Variants in AKAP7 observed in about 807,000 individuals in gnomAD.
AKAP7 encodes the protein A kinase (PRKA) anchor protein 7.
AKAP7 carries 39 observed loss-of-function variants against 39.5 expected under a neutral mutation model. The ratio of observed to expected loss-of-function variants is 0.99; its 90% CI spans 0.76 to 1.29. The LOEUF (loss-of-function observed/expected upper bound fraction) is 1.29, where lower values mean the gene tolerates loss of function less well. AKAP7 is among the 50% of genes most tolerant of loss of function. AKAP7 has a pLI of 0.00. For synonymous variants in AKAP7, 140 were observed against 139.1 expected (o/e 1.01, Z -0.05); for missense variants, 414 against 407.7 (o/e 1.02, Z -0.13).
chr6:131,161,520 C>T (rs1802945116), intron 3 of AKAP7, among the ~76,000 whole-genome samples: 1 of 151,196 alleles, frequency 6.6e-6, no homozygotes, highest in African/African-American at 2.4e-5. Context: ...TGGCTCACAC[C>T]TGTGGTCCTA....
At chr6:131,131,139 T>C (rs866112236), upstream of AKAP7, among the ~76,000 whole-genome samples, 3 of 152,180 alleles carry the variant, frequency 2.0e-5, no homozygotes, top group Middle Eastern at 6.8e-3. Context: ...TTTAACAGGG[T>C]CTTATGAACC....
chr6:131,262,588 GACC>G (rs1351176594), intron 7 of AKAP7, among the ~76,000 whole-genome samples: 1 of 151,752 alleles, frequency 6.6e-6, no homozygotes, highest in African/African-American at 2.4e-5. Context: ...GCAAAGATAT[GACC>G]ACTTCAAAAG....
At chr6:131,219,861 T>C in intron 7 of AKAP7, 53 bp downstream of exon 7, 1 of 1,258,406 alleles carries the variant, frequency 7.9e-7, no homozygotes, top group Non-Finnish European at 1.1e-6. Flanking sequence ...TTTTTTGGCA[T>C]CACTTTTATC....
chr6:131,164,956 G>T, intron 3 of AKAP7, 125 bp from the exon 4 acceptor site: 1 of 706,268 alleles, frequency 1.4e-6, no homozygotes. Flanking sequence ...TTTGGTTGAA[G>T]AATCTTAACA....
At chr6:131,236,715 T>C (rs1157738510) in intron 7 of AKAP7, among the ~76,000 whole-genome samples, 2 of 152,214 alleles carry the variant, frequency 1.3e-5, no homozygotes, top group East Asian at 3.8e-4. Context: ...TTGTCTGTTA[T>C]TGGTGTATAA....
chr6:131,221,905 A>C (rs1008115942), intron 7 of AKAP7, among the ~76,000 whole-genome samples: 1 of 152,238 alleles, frequency 6.6e-6, no homozygotes, highest in African/African-American at 2.4e-5. Flanking sequence ...TGTTATTTTC[A>C]TGCTTGCTAA....
At chr6:131,201,630 C>T (rs927029331) in intron 6 of AKAP7, among the ~76,000 whole-genome samples, 1 of 151,996 alleles carries the variant, frequency 6.6e-6, no homozygotes. Context: ...GCTTTTGTTG[C>T]CATTGCTTTT....
At position 131,166,163 on chromosome 6, in the gene AKAP7, T is replaced by C. The variant is rs1007005308; in HGVS notation, c.428+946T>C. 2.0e-5 allele frequency among the ~76,000 whole-genome samples: 3 copies of C among 152,206 alleles called. No homozygotes were observed. The East Asian group carries it at 5.8e-4, about 29-fold the overall frequency. On this transcript the variant is annotated intron_variant, in intron 4 of 7. Transcript: ENST00000431975. ...GTCTTTAGAGGTCAATCTTATGATCTGTCCCAAGCTGATGTACCCAAAGCA... is the reference window on the plus strand; with the variant it reads ...GTCTTTAGAGGTCAATCTTATGATCCGTCCCAAGCTGATGTACCCAAAGCA...
chr6:131,243,630 G>C (rs555062634), intron 7 of AKAP7, among the ~76,000 whole-genome samples: 1 of 152,240 alleles, frequency 6.6e-6, no homozygotes, highest in Admixed American at 6.5e-5. Flanking sequence ...TTTATTTGAA[G>C]CTTGACATAC....
intron 7 of AKAP7, among the ~76,000 whole-genome samples, chr6:131,256,247 C>G (rs1812840426): frequency 6.6e-6 from 1 of 152,162 alleles, no homozygotes; most frequent in Non-Finnish European, 1.5e-5. Flanking sequence ...CAAGGTAAAA[C>G]AAACATTTAA....
At chr6:131,237,426 G>A (rs2128310286) in intron 7 of AKAP7, among the ~76,000 whole-genome samples, 1 of 152,300 alleles carries the variant, frequency 6.6e-6, no homozygotes, top group East Asian at 1.9e-4. Context: ...CTCATAAAAT[G>A]AGTTAGGGAG....
chr6:131,198,356 A>G (rs1179306885), intron 5 of AKAP7, among the ~76,000 whole-genome samples: 1 of 152,164 alleles, frequency 6.6e-6, no homozygotes, highest in African/African-American at 2.4e-5. Flanking sequence ...TAGTTTGCAC[A>G]CCTAGTAGTT....
rs532895451 is a variant in AKAP7, at chr6:131,157,113, T to C, written c.152-2946T>C. ...ATGTTCTTTAGCAGATACAGATTTA[T>C]CTTCCTAATTATGTTTAGTTCTGAG... is the stretch of plus-strand genomic sequence containing the variant. On this transcript the variant is annotated intron_variant, in intron 2 of 7. Transcript: ENST00000431975. 1.6e-3 allele frequency among the ~76,000 whole-genome samples: 240 copies of C among 152,330 alleles called. 1 individual carries two copies. Among genetic ancestry groups the C allele is most frequent in the African/African-American group, 5.5e-3 (229 of 41,578 alleles).
intron 7 of AKAP7, among the ~76,000 whole-genome samples, chr6:131,262,472 T>TTTTG (rs1411548264): frequency 2.0e-5 from 3 of 152,224 alleles, no homozygotes; most frequent in African/African-American, 7.2e-5. Flanking sequence ...AAGGTGAGCA[T>TTTTG]TTTGTTTATG....
chr6:131,246,094 A>AATATATATATATATATAT (rs57449798), intron 7 of AKAP7, among the ~76,000 whole-genome samples: 44 of 143,986 alleles, frequency 3.1e-4, no homozygotes, highest in African/African-American at 1.1e-3. Context: ...CAGAAGTCCA[A>AATATATATATATATATAT]ATATATATAT....
rs1471476165 is a variant in AKAP7 at position 131,281,164 on chromosome 6, C to CT, written c.851-366_851-365insT. Among the ~76,000 whole-genome samples the CT allele has an allele frequency of 1.3e-5, 2 of 152,166 alleles. No homozygotes were observed. The highest frequency in any genetic ancestry group is 4.8e-5 in the African/African-American group (2 of 41,432). On this transcript the variant is annotated intron_variant, in intron 7 of 7. Coordinates refer to ENST00000431975, the MANE Select transcript of AKAP7 (RefSeq NM_016377.4). This position sits in a 1 kb window ranked among gnomAD's most constrained non-coding sequence, Gnocchi z 4.0. Reference sequence around the variant, plus strand: ...TTGATATTCGAGAATGAGAAGCAGACATAGGCCTACTTAGTGAATTCACAT... The same window carrying CT: ...TTGATATTCGAGAATGAGAAGCAGACTATAGGCCTACTTAGTGAATTCACAT...
chr6:131,238,844 G>A (rs544448408), intron 7 of AKAP7, among the ~76,000 whole-genome samples: 1 of 152,172 alleles, frequency 6.6e-6, no homozygotes, highest in East Asian at 1.9e-4. Flanking sequence ...ACACTGATAG[G>A]TCTTGACTCT....
chr6:131,148,368 A>G (rs537995728), intron 2 of AKAP7, among the ~76,000 whole-genome samples: 76 of 152,184 alleles, frequency 5.0e-4, no homozygotes, highest in Non-Finnish European at 1.0e-3. Context: ...CAACTTATAC[A>G]TGGGCAGCGT....
Position 131,224,703 on chromosome 6 carries a change from A to G in AKAP7, c.850+4895A>G, listed in dbSNP as rs192679661. ...AAAAAAATCAGTTAGTATATATGCT[A>G]CGTTTGTAAAGTTTCCAGTTGATTC... On this transcript the variant is annotated intron_variant, in intron 7 of 7. Transcript: ENST00000431975. Among the ~76,000 whole-genome samples, 888 of 138,402 alleles carry G rather than the reference A, an allele frequency of 6.4e-3. 8 individuals carry two copies. The highest frequency in any genetic ancestry group is 9.4e-3 in the Non-Finnish European group (620 of 65,868). 90.8% of individuals were successfully genotyped at this position (138,402 alleles called of 152,430 possible).
Sources: gnomAD v4.1 joint callset for allele counts (sites outside exome capture counted in the v4.1 genomes callset) on GRCh38, gnomAD v4.1.1 for gene constraint, Gnocchi (gnomAD v3.1) non-coding constraint, MANE v1.5 for transcripts, NCBI Gene and HGNC (gene_info 2026-07-23, HGNC 2026-07-21) for gene names.